SCAMP4: variants seen among roughly 807,000 people sequenced by gnomAD.
SCAMP4 encodes the protein secretory carrier membrane protein 4.
In SCAMP4, 19 loss-of-function variants were observed where a neutral mutation model predicts 32.1. The observed-to-expected ratio is 0.59, with a 90% CI of 0.41 to 0.87. The LOEUF is 0.87. Among genes scored for constraint, SCAMP4 ranks in the 40% least tolerant of loss-of-function variants. The pLI, the probability that SCAMP4 is intolerant of heterozygous loss-of-function variation, is 0.00. For synonymous variants in SCAMP4, 152 were observed against 132.7 expected (o/e 1.15, Z -1.00); for missense variants, 302 against 309.0 (o/e 0.98, Z 0.17).
intron 5 of SCAMP4, chr19:1,920,174 AGT>A: frequency 1.0e-6 from 1 of 985,352 alleles, no homozygotes; most frequent in Non-Finnish European, 1.2e-6. Flanking sequence ...AGTTGCAGAG[AGT>A]GACTGTTCTC....
intron 1 of SCAMP4, chr19:1,912,891 C>A: frequency 6.2e-7 from 1 of 1,607,226 alleles, no homozygotes; most frequent in Non-Finnish European, 8.5e-7. Flanking sequence ...AGGCGCCGTG[C>A]GTAAACTGGA....
chr19:1,924,472 G>A lies in SCAMP4; in HGVS notation c.*188G>A, dbSNP rs192726780. 2.6e-4 allele frequency: 156 copies of A among 603,216 alleles called. 1 individual carries two copies. Among genetic ancestry groups the A allele is most frequent in the Middle Eastern group, 4.5e-4 (1 of 2,246 alleles). The allele number at this position is 603,216 out of a possible 1,614,324, so 37.4% of individuals were successfully genotyped here. A position where few individuals can be genotyped will look rare whatever the true frequency, so the allele number is the denominator to read the frequency against. ...ACCCGTGTTCATCTCATCCGAGAGC[G>A]GAGTTCCTCACAAGCACTCCCCAGC... On this transcript the variant is annotated 3_prime_UTR_variant, in exon 7 of 7. Transcript: ENST00000316097.
chr19:1,913,135 T>C (rs1444448138), intron 1 of SCAMP4: 2 of 1,566,984 alleles, frequency 1.3e-6, no homozygotes, highest in East Asian at 2.4e-5. Context: ...TGCCGCTGGC[T>C]GGACCCCGAC....
At position 1,924,207 on chromosome 19, in the gene SCAMP4, TACA is replaced by T. The variant is rs768751561; in HGVS notation, c.619_621del (p.Asn207del). 9.9e-6 allele frequency: 16 copies of T among 1,609,420 alleles called. No individual in the cohort carries two copies. The highest frequency in any genetic ancestry group is 2.2e-5 in the South Asian group (2 of 90,226). ...GAACCCACCGTCGAGGGAGGCCCAG[TACA>T]ACAACTTCTCAGGCAACAGCCTGCC... On this transcript the variant is annotated inframe_deletion, in exon 7 of 7. Transcript: ENST00000316097.
At chr19:1,922,773 G>A (rs755608047) in intron 5 of SCAMP4, 61 of 1,060,808 alleles carry the variant, frequency 5.8e-5, no homozygotes, top group African/African-American at 1.5e-4. Flanking sequence ...TTCCCTGCAC[G>A]CACAGCCCAC....
chr19:1,916,605 C>T (rs750854406), intron 2 of SCAMP4, among the ~76,000 whole-genome samples: 6 of 151,830 alleles, frequency 4.0e-5, no homozygotes, highest in East Asian at 1.9e-4. Context: ...ACCACAGGCA[C>T]GCACCACCAC....
intron 5 of SCAMP4, 183 bp from the exon 6 acceptor site, chr19:1,922,887 C>T (rs185225837): frequency 7.3e-5 from 98 of 1,333,980 alleles, no homozygotes; most frequent in South Asian, 1.2e-4. Context: ...GTCGTATTCA[C>T]GCGTTGAAGT....
At chr19:1,913,339 AC>A (rs2063169288) in intron 1 of SCAMP4, 1 of 874,938 alleles carries the variant, frequency 1.1e-6, no homozygotes. Context: ...CATTGGGGCC[AC>A]CCCGTGCCAG....
intron 3 of SCAMP4, 123 bp downstream of exon 3, chr19:1,917,945 G>A: frequency 1.4e-6 from 2 of 1,419,954 alleles, no homozygotes; most frequent in South Asian, 2.6e-5. Flanking sequence ...CCTGGGCCTG[G>A]TGGTCCCTGC....
Position 1,924,389 on chromosome 19 carries a change from T to C in SCAMP4, c.*105T>C. 2 of 1,041,812 alleles carry C rather than the reference T, an allele frequency of 1.9e-6. No homozygotes were observed. Among genetic ancestry groups the C allele is most frequent in the Non-Finnish European group, 2.8e-6 (2 of 717,148 alleles). The allele number at this position is 1,041,812 out of a possible 1,614,324, so 64.5% of individuals were successfully genotyped here. A position where few individuals can be genotyped will look rare whatever the true frequency, so the allele number is the denominator to read the frequency against. The stretch of plus-strand genomic sequence containing the variant: ...GTACCTGGGGCCCCATCCCCCCAGC[T>C]GGGATGGTGGAAGCCGGTGGTGGCC... On this transcript the variant is annotated 3_prime_UTR_variant, in exon 7 of 7. Coordinates refer to ENST00000316097, the MANE Select transcript of SCAMP4 (RefSeq NM_079834.4).
chr19:1,911,919 C>G, intron 1 of SCAMP4: 2 of 1,230,222 alleles, frequency 1.6e-6, no homozygotes, highest in South Asian at 1.8e-5. Context: ...GAGTGTAGCT[C>G]TGATGCGGTG....
At chr19:1,922,250 G>A (rs1489784361) in intron 5 of SCAMP4, 3 of 985,320 alleles carry the variant, frequency 3.0e-6, no homozygotes, top group South Asian at 4.7e-5. Context: ...GCTGATCTAA[G>A]CAGTGCTTTC....
At chr19:1,924,076 GT>G (rs1555840752) in intron 6 of SCAMP4, 31 bp from the exon 7 acceptor site, 27 of 1,577,426 alleles carry the variant, frequency 1.7e-5, no homozygotes, top group African/African-American at 2.7e-5. Flanking sequence ...CTCATTTTCT[GT>G]CTTCTGCCTC....
chr19:1,913,268 C>T (rs1419847065), intron 1 of SCAMP4: 2 of 1,386,972 alleles, frequency 1.4e-6, no homozygotes, highest in South Asian at 3.0e-5. Context: ...GGACACATAC[C>T]GCCTCCAGCG....
intron 6 of SCAMP4, among the ~76,000 whole-genome samples, chr19:1,923,615 CTT>C (rs35226425): frequency 4.6e-5 from 4 of 86,466 alleles, no homozygotes; most frequent in African/African-American, 9.5e-5. Flanking sequence ...CAGCAAAATG[CTT>C]TTTTTTTTTT....
At chr19:1,920,134 C>T in intron 5 of SCAMP4, 1 of 985,398 alleles carries the variant, frequency 1.0e-6, no homozygotes, top group Non-Finnish European at 1.2e-6. Context: ...TTTAAATAGG[C>T]TTTTTATTTT....
At chr19:1,917,667 C>T (rs750710909) in intron 2 of SCAMP4, 27 bp from the exon 3 acceptor site, 3 of 1,613,416 alleles carry the variant, frequency 1.9e-6, no homozygotes, top group East Asian at 2.2e-5. Flanking sequence ...AAGTCTGGTT[C>T]TGTCCGTGGG....
chr19:1,922,727 C>T (rs1232973119), intron 5 of SCAMP4: 1 of 1,008,972 alleles, frequency 9.9e-7, no homozygotes, highest in Non-Finnish European at 1.2e-6. Flanking sequence ...CCGCCGGACT[C>T]ACTGAGGGAA....
In SCAMP4 at chr19:1,924,105, C is replaced by T. The variant is rs376784910; in HGVS notation, c.514-3C>T. On this transcript the variant is annotated splice_region_variant and splice_polypyrimidine_tract_variant and intron_variant, in intron 6 of 6. Coordinates refer to ENST00000316097, the MANE Select transcript of SCAMP4 (RefSeq NM_079834.4). ...TCTGCCTCCCTGTCCTCTGTCCTTG[C>T]AGGTGCACAGGATCTACCGAGGGGC... 3 of 1,602,808 alleles carry T rather than the reference C, an allele frequency of 1.9e-6. No homozygotes were observed. Among genetic ancestry groups the T allele is most frequent in the East Asian group, 2.2e-5 (1 of 44,542 alleles).
Sources: allele counts gnomAD v4.1 joint callset (sites outside exome capture counted in the v4.1 genomes callset), GRCh38; gene constraint gnomAD v4.1.1; transcripts MANE v1.5; gene names NCBI Gene and HGNC (gene_info 2026-07-23, HGNC 2026-07-21).